PLEKHD1: variants seen among roughly 807,000 people sequenced by gnomAD.
PLEKHD1 encodes pleckstrin homology domain-containing family D member 1.
PLEKHD1 carries 51 observed loss-of-function variants against 69.2 expected under a neutral mutation model. That is an observed-to-expected ratio of 0.74 (90% CI 0.59 to 0.93). PLEKHD1 has a LOEUF of 0.93. Ranked by LOEUF, PLEKHD1 falls within the 40% of genes least tolerant of loss-of-function variation. PLEKHD1 has a pLI of 0.00. For synonymous variants in PLEKHD1, 236 were observed against 244.7 expected, an observed-to-expected ratio of 0.96 and a Z score of 0.33; for missense variants, 584 against 641.0, an observed-to-expected ratio of 0.91 and a Z score of 0.96.
Position 69,531,101 on chromosome 14 carries a change from AAC to A in PLEKHD1, c.*2684_*2685del, listed in dbSNP as rs1215344084. Reference sequence around the variant, plus strand: ...TGTGCTATTGTACTCCAGCCTGGGCAACATGAGTGAAACTCTGTCTCAGAAAA... The same window carrying A: ...TGTGCTATTGTACTCCAGCCTGGGCAATGAGTGAAACTCTGTCTCAGAAAA... On this transcript the variant is annotated 3_prime_UTR_variant, in exon 13 of 13. Transcript: ENST00000322564. The A allele has an allele frequency of 1.3e-5, 2 of 152,108 alleles. No individual in the cohort carries two copies. Among genetic ancestry groups the A allele is most frequent in the African/African-American group, 2.4e-5 (1 of 41,422 alleles). The allele number at this position is 152,108 out of a possible 1,614,324, so 9.4% of individuals were successfully genotyped here. A position where few individuals can be genotyped will look rare whatever the true frequency, so the allele number is the denominator to read the frequency against.
At position 69,495,493 on chromosome 14, in the gene PLEKHD1, A is replaced by C. The variant is rs78284109; in HGVS notation, c.150-4622A>C. 9.8e-5 allele frequency among the ~76,000 whole-genome samples: 15 copies of C among 152,316 alleles called. 1 individual carries two copies. The East Asian group carries it at 2.9e-3, about 29-fold the overall frequency. On this transcript the variant is annotated intron_variant, in intron 1 of 12. Coordinates refer to ENST00000322564, the MANE Select transcript of PLEKHD1 (RefSeq NM_001161498.2). Reference sequence around the variant, plus strand: ...CCTCCTCTCTGCTTCATTTCTGACCATGTAAAATGCAGGGAGCATTTCTCT... The same window carrying C: ...CCTCCTCTCTGCTTCATTTCTGACCCTGTAAAATGCAGGGAGCATTTCTCT...
At chr14:69,500,080 C>T in intron 1 of PLEKHD1, 35 bp from the exon 2 acceptor site, 1 of 1,446,914 alleles carries the variant, frequency 6.9e-7, no homozygotes, top group South Asian at 1.2e-5. Flanking sequence ...CCCCTTCTCT[C>T]CTGGTTGCTT....
the PLEKHD1 span, among the ~76,000 whole-genome samples, chr14:69,477,790 G>A: frequency 0.48 from 72,830 of 152,002 alleles, 17,697 homozygotes; most frequent in Middle Eastern, 0.59. Flanking sequence ...AGGCAGCTCC[G>A]CCCCTGTGGC....
intron 6 of PLEKHD1, among the ~76,000 whole-genome samples, chr14:69,507,630 A>G (rs111561162): frequency 6.6e-6 from 1 of 152,256 alleles, no homozygotes; most frequent in African/African-American, 2.4e-5. Context: ...TGCAGTAGCA[A>G]TGAATGAGAG....
At chr14:69,492,329 T>A (rs993208187) in intron 1 of PLEKHD1, among the ~76,000 whole-genome samples, 3 of 152,218 alleles carry the variant, frequency 2.0e-5, no homozygotes, top group African/African-American at 7.2e-5. Context: ...AGTTGTCACA[T>A]CTTGGGGAGC....
intron 6 of PLEKHD1, among the ~76,000 whole-genome samples, chr14:69,513,948 C>A (rs78335971): frequency 0.024 from 3,701 of 152,212 alleles, 68 homozygotes; most frequent in Middle Eastern, 0.058. Context: ...TCTGAGAAGC[C>A]AGATGTAATT....
chr14:69,517,732 G>A (rs1883416629), intron 6 of PLEKHD1, among the ~76,000 whole-genome samples: 1 of 151,984 alleles, frequency 6.6e-6, no homozygotes, highest in Non-Finnish European at 1.5e-5. Context: ...GTTTCCACAG[G>A]GCCTTTGTAC....
chr14:69,522,669 C>T (rs928378903), intron 7 of PLEKHD1, among the ~76,000 whole-genome samples: 1 of 152,260 alleles, frequency 6.6e-6, no homozygotes, highest in East Asian at 1.9e-4. Context: ...GAAAGCCTCT[C>T]TCACCCAGGG....
rs1252765628 is a variant in PLEKHD1 at position 69,528,222 on chromosome 14, C to A, written c.1352-28C>A. The A allele has an allele frequency of 1.9e-6, 3 of 1,551,048 alleles. No individual in the cohort carries two copies. In the South Asian group the frequency reaches 3.6e-5, roughly 18 times the overall value. ...GCCTTCGTGGAGGGAGCACTGTTCA[C>A]AGGGCTGTTGGGCTCCTGTTTCCCC... On this transcript the variant is annotated intron_variant, in intron 12 of 12. Transcript: ENST00000322564.
upstream of PLEKHD1, among the ~76,000 whole-genome samples, chr14:69,482,597 C>T (rs1882561960): frequency 6.6e-6 from 1 of 152,210 alleles, no homozygotes; most frequent in African/African-American, 2.4e-5. Context: ...GCTGCTGCCA[C>T]CCCAGGAGCA....
At chr14:69,495,147 C>G (rs1399611412) in intron 1 of PLEKHD1, among the ~76,000 whole-genome samples, 1 of 152,166 alleles carries the variant, frequency 6.6e-6, no homozygotes, top group Non-Finnish European at 1.5e-5. Flanking sequence ...TTCCCCTGCC[C>G]CTCTTTATGC....
At chr14:69,522,232 CA>C in intron 6 of PLEKHD1, 50 bp from the exon 7 acceptor site, 2 of 1,513,962 alleles carry the variant, frequency 1.3e-6, no homozygotes, top group Admixed American at 2.0e-5. Flanking sequence ...ATCCTGATCT[CA>C]GGGTTCCTTT....
At chr14:69,476,549 A>C in the PLEKHD1 span, among the ~76,000 whole-genome samples, 2 of 133,310 alleles carry the variant, frequency 1.5e-5, no homozygotes, top group Non-Finnish European at 3.3e-5. Flanking sequence ...GAGCAACCCT[A>C]TCTCTTAAAA....
the PLEKHD1 span, among the ~76,000 whole-genome samples, chr14:69,471,569 G>A: frequency 2.0e-5 from 3 of 152,136 alleles, no homozygotes; most frequent in East Asian, 5.8e-4. Context: ...GTCTAGACCT[G>A]GTTCAAGGAC....
At chr14:69,499,562 T>A (rs1411649287) in intron 1 of PLEKHD1, among the ~76,000 whole-genome samples, 1 of 152,130 alleles carries the variant, frequency 6.6e-6, no homozygotes, top group Admixed American at 6.5e-5. Context: ...CAGTTAGACC[T>A]GAGTCCCAGA....
At chr14:69,472,084 C>T in the PLEKHD1 span, among the ~76,000 whole-genome samples, 1 of 152,044 alleles carries the variant, frequency 6.6e-6, no homozygotes, top group Non-Finnish European at 1.5e-5. Context: ...TGAGTCAGAA[C>T]CAAACACCAC....
chr14:69,496,352 G>C (rs1183074247), intron 1 of PLEKHD1, among the ~76,000 whole-genome samples: 1 of 152,132 alleles, frequency 6.6e-6, no homozygotes, highest in Non-Finnish European at 1.5e-5. Flanking sequence ...CCATAGACTG[G>C]GTGGCTTAAA....
chr14:69,515,090 T>C (rs914293241), intron 6 of PLEKHD1, among the ~76,000 whole-genome samples: 1 of 152,050 alleles, frequency 6.6e-6, no homozygotes, highest in Non-Finnish European at 1.5e-5. Context: ...CCCAGCTACA[T>C]GGAAGGCTGA....
the PLEKHD1 span, among the ~76,000 whole-genome samples, chr14:69,478,135 C>T: frequency 6.6e-6 from 1 of 152,254 alleles, no homozygotes; most frequent in Non-Finnish European, 1.5e-5. Context: ...GCAGGCTCAA[C>T]ACCATGTGGA....
Sources: allele counts gnomAD v4.1 joint callset (sites outside exome capture counted in the v4.1 genomes callset), GRCh38; gene constraint gnomAD v4.1.1; transcripts MANE v1.5; gene names NCBI Gene and HGNC (gene_info 2026-07-23, HGNC 2026-07-21).